Variants in NIBAN2 observed in about 807,000 individuals in gnomAD.
NIBAN2 encodes the protein protein Niban 2.
In NIBAN2, 36 loss-of-function variants were observed where a neutral mutation model predicts 81.8. That is an observed-to-expected ratio of 0.44 (90% CI 0.34 to 0.58). The LOEUF is 0.58. NIBAN2 is among the 20% of genes least tolerant of loss of function. The pLI, the probability that NIBAN2 is intolerant of heterozygous loss-of-function variation, is 0.02. For synonymous variants in NIBAN2, 445 were observed against 441.6 expected (o/e 1.01, Z -0.10); for missense variants, 897 against 1,014.1 (o/e 0.88, Z 1.57).
chr9:127,576,131 G>A (rs1838006336), intron 1 of NIBAN2, among the ~76,000 whole-genome samples: 1 of 152,184 alleles, frequency 6.6e-6, no homozygotes. Context: ...GAGCTTGAGG[G>A]AGCACGTATG....
chr9:127,516,717 C>T (rs1465151432), intron 8 of NIBAN2, 140 bp downstream of exon 8: 3 of 891,430 alleles, frequency 3.4e-6, no homozygotes, highest in Non-Finnish European at 5.2e-6. Context: ...GGTTGGAGTA[C>T]CACAGTGCAG....
intron 1 of NIBAN2, among the ~76,000 whole-genome samples, chr9:127,565,929 GTC>G (rs746193186): frequency 2.2e-4 from 31 of 138,706 alleles, no homozygotes; most frequent in East Asian, 2.1e-3. Flanking sequence ...GGGAGACCCT[GTC>G]TCTCTCTCTC....
In NIBAN2 at chr9:127,510,109, T is replaced by G. The variant is rs1213051489; in HGVS notation, c.1161+37A>C. 3.8e-6 allele frequency: 6 copies of G among 1,575,942 alleles called. No homozygotes were observed. The Admixed American group carries it at 1.0e-4, about 27-fold the overall frequency. ...CCTCTGGGACAGACCAGACCTACTCTCAGGAGACCCCCTCCTAGGGGCGGT... is the reference window on the plus strand; with the variant it reads ...CCTCTGGGACAGACCAGACCTACTCGCAGGAGACCCCCTCCTAGGGGCGGT... On this transcript the variant is annotated intron_variant, in intron 9 of 13. Coordinates refer to ENST00000373312, the MANE Select transcript of NIBAN2 (RefSeq NM_022833.4).
chr9:127,526,520 C>G (rs1837068714), intron 3 of NIBAN2, among the ~76,000 whole-genome samples: 1 of 152,120 alleles, frequency 6.6e-6, no homozygotes, highest in Admixed American at 6.5e-5. Context: ...TTTGGACGTG[C>G]TACCAGTTGA....
In NIBAN2 at chr9:127,563,561, C is replaced by T. The variant is rs989332785; in HGVS notation, c.55+5259G>A. 2.6e-5 allele frequency among the ~76,000 whole-genome samples: 4 copies of T among 151,014 alleles called. No homozygotes were observed. Among genetic ancestry groups the T allele is most frequent in the Admixed American group, 6.6e-5 (1 of 15,152 alleles). On this transcript the variant is annotated intron_variant, in intron 1 of 13. Transcript: ENST00000373312. The surrounding 1 kb of genome is among the most constrained non-coding windows in gnomAD (Gnocchi z 4.1). ...TTTTTGAGACAGAGTCTCACTCTGT[C>T]ACCCAGGCTGGAGTGCAATGGTGCG...
At chr9:127,521,525 T>G (rs1451840585) in intron 5 of NIBAN2, among the ~76,000 whole-genome samples, 1 of 152,094 alleles carries the variant, frequency 6.6e-6, no homozygotes, top group East Asian at 1.9e-4. Flanking sequence ...ACCGCTGGTG[T>G]CCGCCCAGTT....
At chr9:127,556,986 A>T (rs1164935917) in intron 1 of NIBAN2, among the ~76,000 whole-genome samples, 1 of 152,206 alleles carries the variant, frequency 6.6e-6, no homozygotes, top group Admixed American at 6.5e-5. Flanking sequence ...CTGAGGCAGA[A>T]GGATTGCCGG....
chr9:127,577,385 C>A (rs937340416), intron 1 of NIBAN2, among the ~76,000 whole-genome samples: 1 of 151,900 alleles, frequency 6.6e-6, no homozygotes, highest in Admixed American at 6.6e-5. Context: ...CAATACCCCA[C>A]GCTTCCCACA....
At chr9:127,565,946 T>TCTCACACACACACA (rs751937125) in intron 1 of NIBAN2, among the ~76,000 whole-genome samples, 44 of 130,614 alleles carry the variant, frequency 3.4e-4, no homozygotes, top group African/African-American at 3.9e-4. Context: ...TCTCTCTCTC[T>TCTCACACACACACA]CACACACACA....
At position 127,577,251 on chromosome 9, in the gene NIBAN2, T is replaced by C. The variant is rs74541838; in HGVS notation, c.16+1671A>G. ...TGAACCAGAGAGGCAGGGGTTGCAG[T>C]GAGCCGAGATTGCGCCACTGTACTG... On this transcript the variant is annotated intron_variant, in intron 1 of 13. Transcript: ENST00000373314. Among the ~76,000 whole-genome samples, 662 of 152,088 alleles carry C rather than the reference T, an allele frequency of 4.4e-3. 8 individuals carry two copies. In the East Asian group the frequency reaches 0.064, roughly 15 times the overall value.
intron 1 of NIBAN2, among the ~76,000 whole-genome samples, chr9:127,552,683 C>CG (rs960340865): frequency 1.9e-4 from 21 of 112,964 alleles, no homozygotes; most frequent in Admixed American, 8.9e-4. Context: ...ATGGAATATT[C>CG]GTTTTTTTTT....
chr9:127,523,981 C>G, intron 4 of NIBAN2, 135 bp from the exon 5 acceptor site: 2 of 933,932 alleles, frequency 2.1e-6, no homozygotes, highest in Non-Finnish European at 3.2e-6. Context: ...CCCAAGGTGA[C>G]CAGCAAGCCG....
intron 2 of NIBAN2, among the ~76,000 whole-genome samples, chr9:127,527,601 G>A (rs1011580869): frequency 6.6e-6 from 1 of 152,176 alleles, no homozygotes; most frequent in East Asian, 1.9e-4. Context: ...CTGATGTAGG[G>A]CCTGGCCACA....
intron 1 of NIBAN2, among the ~76,000 whole-genome samples, chr9:127,539,948 C>T (rs1293861186): frequency 6.6e-6 from 1 of 152,196 alleles, no homozygotes; most frequent in Non-Finnish European, 1.5e-5. Flanking sequence ...AATGGCACAA[C>T]AGTATCTGCC....
At chr9:127,537,665 G>A (rs1837304202) in intron 1 of NIBAN2, among the ~76,000 whole-genome samples, 1 of 152,184 alleles carries the variant, frequency 6.6e-6, no homozygotes, top group Admixed American at 6.5e-5. Flanking sequence ...TCTGCCAGCA[G>A]GAGGTAAGCC....
chr9:127,536,007 G>A lies in NIBAN2; in HGVS notation c.56-4229C>T, dbSNP rs2247251. 0.5 allele frequency among the ~76,000 whole-genome samples: 76,507 copies of A among 151,916 alleles called. 20,787 individuals carry two copies. The highest frequency in any genetic ancestry group is 0.66 in the Middle Eastern group (195 of 294). On this transcript the variant is annotated intron_variant, in intron 1 of 13. Coordinates refer to ENST00000373312, the MANE Select transcript of NIBAN2 (RefSeq NM_022833.4). This position sits in a 1 kb window ranked among gnomAD's most constrained non-coding sequence, Gnocchi z 4.0. The stretch of plus-strand genomic sequence containing the variant: ...TTAAGGACGGAGCCCAGGCAGCACC[G>A]GGAAGCCAGCTCCGCTCAGAAGAAG...
At position 127,508,948 on chromosome 9, in the gene NIBAN2, G is replaced by C; in HGVS notation, c.1317+28C>G. On this transcript the variant is annotated intron_variant, in intron 10 of 13. Transcript: ENST00000373312. This position sits in a 1 kb window ranked among gnomAD's most constrained non-coding sequence, Gnocchi z 6.4. ...CTGTGGAAGGCAGTGGACAGGGTGTGGGGTGGGGGTCGTAGCCTCGGGTCT... is the reference window on the plus strand; with the variant it reads ...CTGTGGAAGGCAGTGGACAGGGTGTCGGGTGGGGGTCGTAGCCTCGGGTCT... 6.2e-7 allele frequency: 1 copy of C among 1,612,554 alleles called. No homozygotes were observed. The highest frequency in any genetic ancestry group is 8.5e-7 in the Non-Finnish European group (1 of 1,179,574).
Position 127,507,725 on chromosome 9 carries a change from C to A in NIBAN2, c.1654+142G>T. 3 of 779,892 alleles carry A rather than the reference C, an allele frequency of 3.8e-6. No individual in the cohort carries two copies. Among genetic ancestry groups the A allele is most frequent in the South Asian group, 1.6e-5 (1 of 60,826 alleles). 48.3% of individuals were successfully genotyped at this position (779,892 alleles called of 1,614,324 possible). A position where few individuals can be genotyped will look rare whatever the true frequency, so the allele number is the denominator to read the frequency against. On this transcript the variant is annotated intron_variant, in intron 13 of 13. Transcript: ENST00000373312. This position sits in a 1 kb window ranked among gnomAD's most constrained non-coding sequence, Gnocchi z 6.8. ...TAAGGCTGCTCCGGAGGCCACACAG[C>A]GAAGAGTGGGCTTCACCCAGACCCC... is the stretch of plus-strand genomic sequence containing the variant.
rs1271291147 is a variant in NIBAN2 at position 127,536,263 on chromosome 9, T to C, written c.56-4485A>G. 6.6e-6 allele frequency among the ~76,000 whole-genome samples: 1 copy of C among 152,134 alleles called. No individual in the cohort carries two copies. The highest frequency in any genetic ancestry group is 1.9e-4 in the East Asian group (1 of 5,192). ...AGAGGGACCCAAAAGGCCAGCAGCATTGGGAGGGGGCCAGCCTGGACAAAG... is the reference window on the plus strand; with the variant it reads ...AGAGGGACCCAAAAGGCCAGCAGCACTGGGAGGGGGCCAGCCTGGACAAAG... On this transcript the variant is annotated intron_variant, in intron 1 of 13. Transcript: ENST00000373312. The surrounding 1 kb of genome is among the most constrained non-coding windows in gnomAD (Gnocchi z 4.0).
Sources: allele counts gnomAD v4.1 joint callset (sites outside exome capture counted in the v4.1 genomes callset), GRCh38; gene constraint gnomAD v4.1.1; non-coding constraint Gnocchi (gnomAD v3.1); transcripts MANE v1.5; gene names NCBI Gene and HGNC (gene_info 2026-07-23, HGNC 2026-07-21).